The following PCCA variants were observed in gnomAD, a reference collection of about 807,000 sequenced individuals.
PCCA encodes the protein propionyl-CoA carboxylase subunit alpha.
In PCCA, 74 loss-of-function variants were observed where a neutral mutation model predicts 101.3. That is an observed-to-expected ratio of 0.73 (90% confidence interval 0.61 to 0.89). PCCA has a LOEUF of 0.89. PCCA is among the 40% of genes least tolerant of loss of function. The probability of loss-of-function intolerance (pLI) is 0.00; values close to 1 mark genes in which losing one functional copy is unlikely to be tolerated. For missense variants in PCCA, 891 were observed against 907.0 expected, an observed-to-expected ratio of 0.98 and a Z score of 0.23; for synonymous variants, 294 against 313.6, an observed-to-expected ratio of 0.94 and a Z score of 0.66.
At chr13:100,493,187 C>T (rs565161741) in intron 21 of PCCA, among the ~76,000 whole-genome samples, 21 of 152,334 alleles carry the variant, frequency 1.4e-4, no homozygotes, top group Admixed American at 2.0e-4. Flanking sequence ...TGCCCATCTG[C>T]GTGCTCTCCC....
chr13:100,514,102 T>C (rs1271273110), intron 21 of PCCA, among the ~76,000 whole-genome samples: 1 of 152,198 alleles, frequency 6.6e-6, no homozygotes, highest in Non-Finnish European at 1.5e-5. Context: ...TGAATTTTAA[T>C]AGGAGCAAAA....
chr13:100,135,382 A>G (rs1238103841), intron 4 of PCCA, among the ~76,000 whole-genome samples: 1 of 151,928 alleles, frequency 6.6e-6, no homozygotes, highest in Non-Finnish European at 1.5e-5. Flanking sequence ...ACAGAGTGAG[A>G]CTCTGTCTCT....
At chr13:100,252,042 G>A (rs1156390667) in intron 8 of PCCA, among the ~76,000 whole-genome samples, 1 of 152,188 alleles carries the variant, frequency 6.6e-6, no homozygotes, top group African/African-American at 2.4e-5. Context: ...CATTAGAGGA[G>A]CACAAAGAAA....
intron 7 of PCCA, among the ~76,000 whole-genome samples, chr13:100,212,064 C>T (rs2059253710): frequency 6.6e-6 from 1 of 152,162 alleles, no homozygotes; most frequent in African/African-American, 2.4e-5. Flanking sequence ...TGACCAATCT[C>T]AAATGTATGT....
chr13:100,248,282 GCTT>G (rs1263976726), intron 8 of PCCA, among the ~76,000 whole-genome samples: 1 of 151,490 alleles, frequency 6.6e-6, no homozygotes, highest in Non-Finnish European at 1.5e-5. Context: ...TTCTTTCTTG[GCTT>G]CTTTTTGATG....
intron 6 of PCCA, among the ~76,000 whole-genome samples, chr13:100,176,172 A>G (rs2056223317): frequency 6.6e-6 from 1 of 152,218 alleles, no homozygotes; most frequent in Non-Finnish European, 1.5e-5. Flanking sequence ...AAGCTTGCAT[A>G]GATCAGTAAA....
At chr13:100,374,302 A>G in intron 19 of PCCA, among the ~76,000 whole-genome samples, 1 of 152,198 alleles carries the variant, frequency 6.6e-6, no homozygotes, top group East Asian at 1.9e-4. Context: ...TTAATAGTAT[A>G]AAACCTGCTA....
chr13:100,435,786 G>A (rs1167025467), intron 20 of PCCA, among the ~76,000 whole-genome samples: 2 of 152,216 alleles, frequency 1.3e-5, no homozygotes, highest in Admixed American at 6.5e-5. Flanking sequence ...GCTCATGCCT[G>A]TAATCCCAGC....
At chr13:100,175,730 A>C (rs2056174260) in intron 6 of PCCA, among the ~76,000 whole-genome samples, 1 of 152,220 alleles carries the variant, frequency 6.6e-6, no homozygotes, top group African/African-American at 2.4e-5. Context: ...ATACCCTGCC[A>C]GGCCTTTCAG....
intron 18 of PCCA, among the ~76,000 whole-genome samples, chr13:100,343,983 G>A (rs1311115584): frequency 1.3e-5 from 2 of 152,242 alleles, no homozygotes; most frequent in Non-Finnish European, 2.9e-5. Flanking sequence ...GCTGAGGCAC[G>A]AGAATTGCTT....
intron 4 of PCCA, among the ~76,000 whole-genome samples, chr13:100,113,735 C>G (rs532637450): frequency 2.6e-5 from 4 of 151,926 alleles, no homozygotes; most frequent in African/African-American, 9.7e-5. Context: ...TGTGTCACCA[C>G]GCTCGGCTAA....
In PCCA at chr13:100,449,323, CTTTA is replaced by C. The variant is rs2081060428; in HGVS notation, c.1899+21_1899+24del. The C allele has an allele frequency of 3.5e-6, 5 of 1,422,614 alleles. No individual in the cohort carries two copies. Among genetic ancestry groups the C allele is most frequent in the South Asian group, 1.2e-5 (1 of 80,170 alleles). The allele number at this position is 1,422,614 out of a possible 1,614,324, so 88.1% of individuals were successfully genotyped here. A position where few individuals can be genotyped will look rare whatever the true frequency, so the allele number is the denominator to read the frequency against. On this transcript the variant is annotated intron_variant, in intron 21 of 23. Transcript: ENST00000376285. The stretch of plus-strand genomic sequence containing the variant: ...GTACAGTGGTAAGTATGAAATCATT[CTTTA>C]TTCTCTTAATTTACAGAGAAAAAAT...
chr13:100,409,345 G>T (rs557556256), intron 19 of PCCA, among the ~76,000 whole-genome samples: 1 of 152,112 alleles, frequency 6.6e-6, no homozygotes, highest in East Asian at 1.9e-4. Flanking sequence ...TCCTTAGTTC[G>T]GCTAAAGATG....
chr13:100,437,855 A>T (rs1489787937), intron 20 of PCCA, among the ~76,000 whole-genome samples: 1 of 152,022 alleles, frequency 6.6e-6, no homozygotes, highest in East Asian at 1.9e-4. Flanking sequence ...TTTTTAGTAG[A>T]GAGGGGGTTT....
Position 100,341,979 on chromosome 13 carries a change from A to ATATATATATATATATATATGTG in PCCA, c.1643+1723_1643+1724insATATATATATATATATGTGTAT, listed in dbSNP as rs966272516. On this transcript the variant is annotated intron_variant, in intron 18 of 23. Coordinates refer to ENST00000376285, the MANE Select transcript of PCCA (RefSeq NM_000282.4). ...AAAGTATATATATATATATATATAT[A>ATATATATATATATATATATGTG]TATGTATTTATGTGTGTGTATATAT... 4.4e-5 allele frequency among the ~76,000 whole-genome samples: 5 copies of ATATATATATATATATATATGTG among 114,536 alleles called. No individual in the cohort carries two copies. In the East Asian group the frequency reaches 1.1e-3, roughly 26 times the overall value. The allele number at this position is 114,536 out of a possible 152,430, so 75.1% of individuals were successfully genotyped here.
At chr13:100,134,754 A>G (rs896280698) in intron 4 of PCCA, among the ~76,000 whole-genome samples, 9 of 151,368 alleles carry the variant, frequency 5.9e-5, no homozygotes, top group Middle Eastern at 3.5e-3. Flanking sequence ...GGGTCTCCCT[A>G]TATTGTCAAG....
chr13:100,140,699 C>T (rs1203351230), intron 4 of PCCA, among the ~76,000 whole-genome samples: 5 of 152,122 alleles, frequency 3.3e-5, no homozygotes, highest in East Asian at 1.9e-4. Context: ...ATACTTGATT[C>T]GTGCATTCTT....
At chr13:100,306,432 C>G (rs2066458317) in intron 14 of PCCA, among the ~76,000 whole-genome samples, 1 of 152,144 alleles carries the variant, frequency 6.6e-6, no homozygotes, top group South Asian at 2.1e-4. Context: ...ATGTTCTGTC[C>G]TCAGTAACTG....
At chr13:100,097,964 C>T (rs1021581299) in intron 1 of PCCA, among the ~76,000 whole-genome samples, 6 of 152,152 alleles carry the variant, frequency 3.9e-5, no homozygotes, top group African/African-American at 1.4e-4. Flanking sequence ...TTCAAGGCTG[C>T]AGTGAGCTAT....
Sources: allele counts gnomAD v4.1 joint callset (sites outside exome capture counted in the v4.1 genomes callset), GRCh38; gene constraint gnomAD v4.1.1; transcripts MANE v1.5; gene names NCBI Gene and HGNC (gene_info 2026-07-23, HGNC 2026-07-21).